The following SRPK1 variants were observed in gnomAD, a reference collection of about 807,000 sequenced individuals.
SRPK1 encodes the protein SRSF protein kinase 1.
A neutral mutation model predicts 89.5 loss-of-function variants in SRPK1; 52 were observed. The ratio of observed to expected loss-of-function variants is 0.58; its 90% CI spans 0.46 to 0.73. The LOEUF is 0.73. Ranked by LOEUF, SRPK1 falls within the 30% of genes least tolerant of loss-of-function variation. SRPK1 has a pLI of 0.00. For missense variants in SRPK1, 603 were observed against 780.6 expected (o/e 0.77, Z 2.71); for synonymous variants, 255 against 270.2 (o/e 0.94, Z 0.55).
intron 6 of SRPK1, among the ~76,000 whole-genome samples, chr6:35,882,121 G>GTAC (rs1466482509): frequency 7.7e-4 from 8 of 10,416 alleles, no homozygotes; most frequent in African/African-American, 1.4e-3. Context: ...AGTAGTACTA[G>GTAC]TAGTAGTAGT....
At chr6:35,904,084 A>G (rs146382717) in intron 2 of SRPK1, among the ~76,000 whole-genome samples, 3,130 of 152,074 alleles carry the variant, frequency 0.021, 42 homozygotes, top group Middle Eastern at 0.058. Flanking sequence ...GATTATAGGC[A>G]TGAGCCACCA....
intron 2 of SRPK1, among the ~76,000 whole-genome samples, chr6:35,900,069 T>C (rs1770710635): frequency 6.6e-6 from 1 of 150,678 alleles, no homozygotes; most frequent in African/African-American, 2.4e-5. Flanking sequence ...GTTTGTAAAA[T>C]GTAGGGGAAC....
Position 35,870,016 on chromosome 6 carries a change from C to T in SRPK1, c.992-115G>A, listed in dbSNP as rs550316693. On this transcript the variant is annotated intron_variant, in intron 10 of 15. Transcript: ENST00000373825. Reference sequence around the variant, plus strand: ...GAACTTATACTGAGTGACATAAAAACATGACTAAACATCTAAAACCTATTT... The same window carrying T: ...GAACTTATACTGAGTGACATAAAAATATGACTAAACATCTAAAACCTATTT... 1.0e-4 allele frequency: 123 copies of T among 1,200,400 alleles called. No individual in the cohort carries two copies. In the South Asian group the frequency reaches 1.9e-3, roughly 19 times the overall value. The allele number at this position is 1,200,400 out of a possible 1,614,324, so 74.4% of individuals were successfully genotyped here. A position where few individuals can be genotyped will look rare whatever the true frequency, so the allele number is the denominator to read the frequency against.
In SRPK1 at chr6:35,886,495, C is replaced by T. The variant is rs116999842; in HGVS notation, c.478+229G>A. Among the ~76,000 whole-genome samples, 264 of 152,246 alleles carry T rather than the reference C, an allele frequency of 1.7e-3. 6 individuals carry two copies. In the South Asian group the frequency reaches 0.026, roughly 15 times the overall value. ...ATTTTCTAAAAGTTTCCTTTGATTT[C>T]GCTTTAATTTGCCTGAAAAGAGGAC... On this transcript the variant is annotated intron_variant, in intron 6 of 15. Transcript: ENST00000373825.
intron 13 of SRPK1, among the ~76,000 whole-genome samples, chr6:35,852,949 A>G (rs1490512191): frequency 6.6e-6 from 1 of 152,184 alleles, no homozygotes; most frequent in East Asian, 1.9e-4. Flanking sequence ...CAATAAAAAT[A>G]CAAGTAAAGG....
intron 14 of SRPK1, among the ~76,000 whole-genome samples, chr6:35,841,810 G>A (rs202182385): frequency 2.0e-4 from 25 of 122,302 alleles, no homozygotes; most frequent in Admixed American, 3.3e-4. Flanking sequence ...CCAGCCTGGC[G>A]ACAGAGTGAG....
At chr6:35,920,126 A>T (rs1357108726) in intron 2 of SRPK1, 1 of 484,990 alleles carries the variant, frequency 2.1e-6, no homozygotes, top group East Asian at 6.0e-5. Context: ...CAGAGTTCAG[A>T]AACAGACCGA....
rs1769155600 is a variant in SRPK1, at chr6:35,835,357, C to T, written c.1915G>A (p.Glu639Lys). 1.9e-6 allele frequency: 3 copies of T among 1,613,692 alleles called. No homozygotes were observed. The highest frequency in any genetic ancestry group is 1.3e-5 in the African/African-American group (1 of 74,912). The change falls in exon 16 of 16, where the codon GAG becomes AAG. Residue 639 changes from glutamate to lysine, a missense_variant. By Grantham distance (56) the Glu-to-Lys change is moderately conservative. Transcript: ENST00000373825. ...CACTCGGCGGCAGTGGCTCTCTTCT[C>T]AGGGATCAGCTCCAACATGGGCAGT... is the stretch of plus-strand genomic sequence containing the variant. ...FLLPMLELIP[E>K]KRATAAECLR...
At chr6:35,874,961 G>A (rs1352013218) in intron 6 of SRPK1, among the ~76,000 whole-genome samples, 1 of 152,178 alleles carries the variant, frequency 6.6e-6, no homozygotes, top group Non-Finnish European at 1.5e-5. Context: ...AATACTCTGA[G>A]TCTAAAATTG....
intron 13 of SRPK1, among the ~76,000 whole-genome samples, chr6:35,842,915 G>T (rs529945007): frequency 2.0e-4 from 30 of 151,698 alleles, no homozygotes; most frequent in Non-Finnish European, 2.8e-4. Flanking sequence ...GGCCGGAAAG[G>T]GGCATACCTG....
chr6:35,842,086 G>A (rs1056373421), intron 14 of SRPK1, among the ~76,000 whole-genome samples: 3 of 152,000 alleles, frequency 2.0e-5, no homozygotes, highest in Non-Finnish European at 4.4e-5. Context: ...TCAGAAAAGG[G>A]AAAAAAGAAT....
In SRPK1 at chr6:35,910,481, T is replaced by A. The variant is rs576502748; in HGVS notation, c.74+9987A>T. On this transcript the variant is annotated intron_variant, in intron 2 of 15. Transcript: ENST00000373825. ...TCATGAAGTTTACAGAAAGAAGCCATCCCCATAACATAAAAGTGCAAGGTA... is the reference window on the plus strand; with the variant it reads ...TCATGAAGTTTACAGAAAGAAGCCAACCCCATAACATAAAAGTGCAAGGTA... Among the ~76,000 whole-genome samples, 14 of 152,302 alleles carry A rather than the reference T, an allele frequency of 9.2e-5. No homozygotes were observed. The South Asian group carries it at 2.7e-3, about 29-fold the overall frequency.
intron 3 of SRPK1, among the ~76,000 whole-genome samples, chr6:35,890,560 A>G (rs1770497723): frequency 1.3e-5 from 2 of 152,368 alleles, no homozygotes; most frequent in East Asian, 3.9e-4. Flanking sequence ...GGTATTTTGT[A>G]AAAATCTATA....
chr6:35,880,806 T>C (rs1360342331), intron 6 of SRPK1, among the ~76,000 whole-genome samples: 2 of 128,552 alleles, frequency 1.6e-5, no homozygotes, highest in African/African-American at 2.9e-5. Context: ...AAAACAACGG[T>C]TGAAAACGTC....
intron 8 of SRPK1, among the ~76,000 whole-genome samples, chr6:35,872,225 C>T (rs1035103331): frequency 2.0e-4 from 30 of 152,208 alleles, no homozygotes; most frequent in African/African-American, 6.8e-4. Context: ...CTATTAATAG[C>T]AATGTTATCT....
chr6:35,913,255 G>A (rs1561998734), intron 2 of SRPK1, among the ~76,000 whole-genome samples: 1 of 152,146 alleles, frequency 6.6e-6, no homozygotes, highest in South Asian at 2.1e-4. Flanking sequence ...AGGAAGAAGA[G>A]AACAAAATAT....
intron 6 of SRPK1, among the ~76,000 whole-genome samples, chr6:35,876,107 AG>A (rs1194233614): frequency 5.0e-5 from 7 of 140,342 alleles, no homozygotes; most frequent in African/African-American, 1.9e-4. Flanking sequence ...AAAAAAAAAA[AG>A]GCAATGTCAT....
At chr6:35,861,560 C>A (rs1039657992) in intron 12 of SRPK1, among the ~76,000 whole-genome samples, 1 of 152,194 alleles carries the variant, frequency 6.6e-6, no homozygotes, top group Non-Finnish European at 1.5e-5. Flanking sequence ...CATGGGCTGC[C>A]GGTGAGACCA....
chr6:35,863,166 T>C (rs1391856414), intron 12 of SRPK1, among the ~76,000 whole-genome samples: 1 of 151,734 alleles, frequency 6.6e-6, no homozygotes, highest in East Asian at 1.9e-4. Context: ...AATTAATAAA[T>C]TAAATAAAAA....
Sources: allele counts gnomAD v4.1 joint callset (sites outside exome capture counted in the v4.1 genomes callset), GRCh38; gene constraint gnomAD v4.1.1; transcripts MANE v1.5; gene names NCBI Gene and HGNC (gene_info 2026-07-23, HGNC 2026-07-21).